AFAP1: variants seen among roughly 807,000 people sequenced by gnomAD.
The protein encoded by AFAP1 is actin filament-associated protein 1.
AFAP1 carries 75 observed loss-of-function variants against 93.9 expected under a neutral mutation model. The observed-to-expected ratio is 0.80, with a 90% CI of 0.66 to 0.97. The LOEUF is 0.97. Ranked by LOEUF, AFAP1 falls within the 50% of genes least tolerant of loss-of-function variation. The pLI is 0.00. For missense variants in AFAP1, 1,201 were observed against 1,050.8 expected (o/e 1.14, Z -1.98); for synonymous variants, 517 against 430.7 (o/e 1.20, Z -2.48).
At chr4:7,767,374 A>G (rs1034591836) in intron 17 of AFAP1, among the ~76,000 whole-genome samples, 3 of 152,160 alleles carry the variant, frequency 2.0e-5, no homozygotes, top group African/African-American at 7.2e-5. Flanking sequence ...TTTCAGTCCA[A>G]TTTCTTTGAT....
At chr4:7,886,630 A>T (rs1017589695) in intron 1 of AFAP1, among the ~76,000 whole-genome samples, 2 of 152,236 alleles carry the variant, frequency 1.3e-5, no homozygotes, top group Non-Finnish European at 2.9e-5. Context: ...TAAAAGTCAG[A>T]TTAATTAATG....
At chr4:7,820,234 C>T (rs1720845382) in intron 6 of AFAP1, among the ~76,000 whole-genome samples, 2 of 152,148 alleles carry the variant, frequency 1.3e-5, no homozygotes, top group African/African-American at 2.4e-5. Flanking sequence ...AAGGTGACTC[C>T]TGGATTCTTA....
Position 7,885,660 on chromosome 4 carries a change from T to C in AFAP1, c.-2-13580A>G, listed in dbSNP as rs186245370. ...TGTTTGTTGAATTAATTCACTTTTA[T>C]GTTTCCAGTTCTCCATAATAGACAA... On this transcript the variant is annotated intron_variant, in intron 1 of 17. Coordinates refer to ENST00000420658, the MANE Select transcript of AFAP1 (RefSeq NM_001134647.2). Among the ~76,000 whole-genome samples, 32 of 152,358 alleles carry C rather than the reference T, an allele frequency of 2.1e-4. 1 individual carries two copies. The East Asian group carries it at 4.0e-3, about 19-fold the overall frequency.
At chr4:7,865,953 G>A (rs904805829) in intron 3 of AFAP1, among the ~76,000 whole-genome samples, 2 of 152,260 alleles carry the variant, frequency 1.3e-5, no homozygotes, top group South Asian at 4.1e-4. Context: ...CTGGAGTGCA[G>A]TGGCTCGATC....
Position 7,772,861 on chromosome 4 carries a change from C to A in AFAP1, c.2212G>T (p.Gly738Trp), listed in dbSNP as rs1422559459. The change falls in exon 16 of 18, where the codon GGG (glycine) becomes TGG (tryptophan). Residue 738 changes from glycine (G) to tryptophan (W), a missense_variant. Coordinates refer to ENST00000420658, the MANE Select transcript of AFAP1 (RefSeq NM_001134647.2). ...KKALAGGVTL[G>W]LAIEPKSGTS... ...CCTGACTTGGGCTCGATGGCCAGCC[C>A]CAGGGTGACTCCGCCCGCCAGCGCT... 1 of 1,614,104 alleles carries A rather than the reference C, an allele frequency of 6.2e-7. No individual in the cohort carries two copies.
intron 3 of AFAP1, among the ~76,000 whole-genome samples, chr4:7,868,204 G>A (rs898641201): frequency 2.0e-5 from 3 of 151,960 alleles, no homozygotes; most frequent in African/African-American, 7.3e-5. Context: ...CCCAGAAGAA[G>A]TCTAACAATG....
At chr4:7,871,085 T>G (rs1394774527) in intron 2 of AFAP1, among the ~76,000 whole-genome samples, 5 of 152,182 alleles carry the variant, frequency 3.3e-5, no homozygotes, top group Admixed American at 3.3e-4. Context: ...TGGTGTGGAC[T>G]TGCTTCTCAG....
At chr4:7,881,558 A>T (rs34392913) in intron 1 of AFAP1, among the ~76,000 whole-genome samples, 17,539 of 152,166 alleles carry the variant, frequency 0.12, 1,152 homozygotes, top group Non-Finnish European at 0.16. Context: ...CAAGGTGGGC[A>T]GATCACCTGA....
rs1409081568 is a variant in AFAP1, at chr4:7,781,393, G to T, written c.1765C>A (p.Leu589Ile). 1.9e-5 allele frequency: 29 copies of T among 1,551,648 alleles called. 1 individual carries two copies. In the East Asian group the frequency reaches 6.8e-4, roughly 37 times the overall value. ...TNTSSVGRASLGLNSQLKGKK... is the reference protein window; with the variant it reads ...TNTSSVGRASIGLNSQLKGKK... The stretch of plus-strand genomic sequence containing the variant: ...TGCCGTACCTGCGAGTTGAGCCCGA[G>T]AGACGCCCTCCCCACAGAAGAGGTA... Residue 589 changes from leucine (L) to isoleucine (I), a missense_variant, in exon 13 of 18, where the codon CTC becomes ATC. Transcript: ENST00000420658.
intron 9 of AFAP1, among the ~76,000 whole-genome samples, chr4:7,807,506 G>A (rs376083936): frequency 6.6e-6 from 1 of 152,190 alleles, no homozygotes; most frequent in Non-Finnish European, 1.5e-5. Context: ...AGGGAAGGGA[G>A]GGTAGTGGAA....
At chr4:7,873,853 A>C (rs977162063) in intron 1 of AFAP1, among the ~76,000 whole-genome samples, 2 of 152,214 alleles carry the variant, frequency 1.3e-5, no homozygotes, top group Non-Finnish European at 2.9e-5. Flanking sequence ...AGACTTGAGT[A>C]CCTGGCAGAC....
Position 7,772,580 on chromosome 4 carries a change from C to T in AFAP1, c.2253+240G>A, listed in dbSNP as rs1715584270. On this transcript the variant is annotated intron_variant, in intron 16 of 17. Transcript: ENST00000420658. Reference sequence around the variant, plus strand: ...AAACAGATTGTGCAAAGGGGAAAGACACAGACTCAGCATTTCCACAGCTTT... The same window carrying T: ...AAACAGATTGTGCAAAGGGGAAAGATACAGACTCAGCATTTCCACAGCTTT... 9.5e-6 allele frequency: 5 copies of T among 525,764 alleles called. No individual in the cohort carries two copies. The East Asian group carries it at 1.6e-4, about 17-fold the overall frequency. 32.6% of individuals were successfully genotyped at this position (525,764 alleles called of 1,614,324 possible).
intron 10 of AFAP1, chr4:7,798,812 C>T: frequency 1.1e-6 from 1 of 903,690 alleles, no homozygotes; most frequent in Non-Finnish European, 1.3e-6. Context: ...CACCAAACAG[C>T]TCCTGACTTC....
At chr4:7,878,476 T>C (rs1484945279) in intron 1 of AFAP1, among the ~76,000 whole-genome samples, 2 of 152,192 alleles carry the variant, frequency 1.3e-5, no homozygotes, top group African/African-American at 2.4e-5. Flanking sequence ...TATCCTTCTA[T>C]CAGGAGGAGG....
At chr4:7,816,535 T>C (rs552831156) in intron 7 of AFAP1, among the ~76,000 whole-genome samples, 1 of 152,370 alleles carries the variant, frequency 6.6e-6, no homozygotes, top group African/African-American at 2.4e-5. Flanking sequence ...AAGTATCTGC[T>C]TGTAACAATA....
At chr4:7,839,197 A>G (rs921269028) in intron 5 of AFAP1, among the ~76,000 whole-genome samples, 1 of 152,052 alleles carries the variant, frequency 6.6e-6, no homozygotes, top group Non-Finnish European at 1.5e-5. Flanking sequence ...TTAGCCAGGC[A>G]TGGTGGCGTG....
chr4:7,807,764 G>T (rs1244422817), intron 9 of AFAP1, among the ~76,000 whole-genome samples: 2 of 152,212 alleles, frequency 1.3e-5, no homozygotes, highest in East Asian at 3.9e-4. Flanking sequence ...CAACTTCCCA[G>T]ATCACACTGT....
intron 9 of AFAP1, among the ~76,000 whole-genome samples, chr4:7,801,002 G>C (rs908489991): frequency 6.6e-6 from 1 of 152,236 alleles, no homozygotes. Context: ...GGCCAGGATG[G>C]GGGCACGACA....
intron 17 of AFAP1, among the ~76,000 whole-genome samples, chr4:7,766,845 G>A (rs988195898): frequency 1.3e-5 from 2 of 152,174 alleles, no homozygotes; most frequent in African/African-American, 4.8e-5. Flanking sequence ...AAGCCCTGGG[G>A]CACGGGATTG....
Sources: gnomAD v4.1 joint callset for allele counts (sites outside exome capture counted in the v4.1 genomes callset) on GRCh38, gnomAD v4.1.1 for gene constraint, MANE v1.5 for transcripts, NCBI Gene and HGNC (gene_info 2026-07-23, HGNC 2026-07-21) for gene names.